The following CA10 variants were observed in gnomAD, a reference collection of about 807,000 sequenced individuals.
The protein encoded by CA10 is carbonic anhydrase 10 (inactive), also known as carbonic anhydrase-related protein 10.
A neutral mutation model predicts 44.2 loss-of-function variants in CA10; 14 were observed. The ratio of observed to expected loss-of-function variants is 0.32; its 90% CI spans 0.21 to 0.50. CA10 has a LOEUF of 0.50. Ranked by LOEUF, CA10 falls within the 20% of genes least tolerant of loss-of-function variation. The pLI is 0.99. For missense variants in CA10, 350 were observed against 409.7 expected, an observed-to-expected ratio of 0.85 and a Z score of 1.26; for synonymous variants, 159 against 141.6, an observed-to-expected ratio of 1.12 and a Z score of -0.87.
chr17:51,995,356 T>TA (rs901558273), intron 2 of CA10, among the ~76,000 whole-genome samples: 44 of 152,140 alleles, frequency 2.9e-4, no homozygotes, highest in East Asian at 7.8e-4. Flanking sequence ...ACAAATAAGT[T>TA]AAAAAAATAG....
intron 1 of CA10, among the ~76,000 whole-genome samples, chr17:52,113,662 C>T (rs999679856): frequency 1.4e-4 from 22 of 152,142 alleles, no homozygotes; most frequent in Non-Finnish European, 2.1e-4. Flanking sequence ...AAAATAAAAT[C>T]CACATGATGT....
chr17:52,058,886 A>T (rs1029467615), intron 2 of CA10, among the ~76,000 whole-genome samples: 1 of 152,120 alleles, frequency 6.6e-6, no homozygotes, highest in African/African-American at 2.4e-5. Flanking sequence ...CTCTAAACTC[A>T]ACTGCGAGCT....
At chr17:52,088,035 T>C (rs1265854793) in intron 1 of CA10, among the ~76,000 whole-genome samples, 4 of 152,056 alleles carry the variant, frequency 2.6e-5, no homozygotes. Flanking sequence ...TGAGAGCACA[T>C]GGACACATAG....
At chr17:51,769,418 CAG>C (rs1406485965) in intron 3 of CA10, among the ~76,000 whole-genome samples, 1 of 152,090 alleles carries the variant, frequency 6.6e-6, no homozygotes, top group African/African-American at 2.4e-5. Context: ...AGTGCTAAGA[CAG>C]AGGTTTGCAA....
intron 3 of CA10, among the ~76,000 whole-genome samples, chr17:51,920,942 T>A (rs1213287496): frequency 6.6e-6 from 1 of 152,246 alleles, no homozygotes; most frequent in Middle Eastern, 3.2e-3. Flanking sequence ...CATTTTGCTC[T>A]GAATCCTTCA....
chr17:52,028,881 C>T (rs1033142227), intron 2 of CA10, among the ~76,000 whole-genome samples: 2 of 152,198 alleles, frequency 1.3e-5, no homozygotes, highest in Non-Finnish European at 2.9e-5. Context: ...CTAACTTTTA[C>T]ATTTCAATTT....
chr17:51,708,243 G>C (rs1256507193), intron 4 of CA10, among the ~76,000 whole-genome samples: 2 of 152,204 alleles, frequency 1.3e-5, no homozygotes, highest in Non-Finnish European at 2.9e-5. Context: ...TTGGCACTGG[G>C]TGGGTAGGGC....
At chr17:51,898,432 G>A (rs896968503) in intron 3 of CA10, among the ~76,000 whole-genome samples, 1 of 152,026 alleles carries the variant, frequency 6.6e-6, no homozygotes, top group African/African-American at 2.4e-5. Context: ...GTTTTTTGAT[G>A]TGCTGCTGGG....
intron 3 of CA10, among the ~76,000 whole-genome samples, chr17:51,882,515 G>A (rs1980421181): frequency 6.6e-6 from 1 of 152,174 alleles, no homozygotes; most frequent in South Asian, 2.1e-4. Context: ...AACTAAATGG[G>A]GCTGGCTTTC....
intron 4 of CA10, among the ~76,000 whole-genome samples, chr17:51,717,772 C>CACGT (rs1916191827): frequency 2.0e-5 from 1 of 49,732 alleles, no homozygotes; most frequent in African/African-American, 7.1e-5. Context: ...TATATGTATA[C>CACGT]ATATATGCAT....
chr17:51,882,548 C>T (rs902282477), intron 3 of CA10, among the ~76,000 whole-genome samples: 6 of 152,142 alleles, frequency 3.9e-5, no homozygotes, highest in African/African-American at 1.2e-4. Flanking sequence ...CTGACTACAT[C>T]GACCTGGCAT....
At chr17:51,704,367 T>C (rs1915696002) in intron 4 of CA10, among the ~76,000 whole-genome samples, 1 of 152,256 alleles carries the variant, frequency 6.6e-6, no homozygotes, top group African/African-American at 2.4e-5. Context: ...CACAAGGCGT[T>C]AAGTCAAAAG....
At chr17:51,716,805 T>C (rs1916127770) in intron 4 of CA10, among the ~76,000 whole-genome samples, 1 of 152,232 alleles carries the variant, frequency 6.6e-6, no homozygotes, top group Non-Finnish European at 1.5e-5. Context: ...GACCTATTAC[T>C]GAACAATGAT....
intron 3 of CA10, among the ~76,000 whole-genome samples, chr17:51,807,033 C>G (rs569925548): frequency 6.6e-6 from 1 of 152,264 alleles, no homozygotes; most frequent in East Asian, 1.9e-4. Flanking sequence ...GATGAGAAAA[C>G]CAAGGCAGAT....
At chr17:51,978,146 CT>C (rs1364742290) in intron 2 of CA10, among the ~76,000 whole-genome samples, 1 of 151,910 alleles carries the variant, frequency 6.6e-6, no homozygotes, top group East Asian at 1.9e-4. Flanking sequence ...TCTCAGAAGC[CT>C]TGTATTTTTA....
intron 1 of CA10, among the ~76,000 whole-genome samples, chr17:52,129,747 T>G (rs1989193198): frequency 6.6e-6 from 1 of 152,164 alleles, no homozygotes; most frequent in African/African-American, 2.4e-5. Flanking sequence ...TATCATCATC[T>G]CAAGACTCAA....
chr17:51,800,133 G>C (rs142688828), intron 3 of CA10, among the ~76,000 whole-genome samples: 3,115 of 152,274 alleles, frequency 0.02, 37 homozygotes, highest in Non-Finnish European at 0.034. Flanking sequence ...AAAATAAAAT[G>C]TAGTAGACTC....
intron 4 of CA10, among the ~76,000 whole-genome samples, chr17:51,741,339 A>C (rs1042607376): frequency 6.6e-6 from 1 of 152,158 alleles, no homozygotes; most frequent in Non-Finnish European, 1.5e-5. Context: ...GTGCCTTCTA[A>C]ATACATTTTG....
intron 3 of CA10, among the ~76,000 whole-genome samples, chr17:51,771,161 T>C: frequency 6.9e-6 from 1 of 144,704 alleles, no homozygotes. Flanking sequence ...CCAGATCTCC[T>C]GTGAACCCAG....
Sources: allele counts gnomAD v4.1 joint callset (sites outside exome capture counted in the v4.1 genomes callset), GRCh38; gene constraint gnomAD v4.1.1; transcripts MANE v1.5; gene names NCBI Gene and HGNC (gene_info 2026-07-23, HGNC 2026-07-21).